The following RAB27B variants were observed in gnomAD, a reference collection of about 807,000 sequenced individuals.
RAB27B encodes the protein RAB27B, member RAS oncogene family, also known as ras-related protein Rab-27B.
In RAB27B, 15 loss-of-function variants were observed where a neutral mutation model predicts 24.6. The ratio of observed to expected loss-of-function variants is 0.61; its 90% CI spans 0.41 to 0.94. The LOEUF (loss-of-function observed/expected upper bound fraction) is 0.94. Ranked by LOEUF, RAB27B falls within the 40% of genes least tolerant of loss-of-function variation. The pLI is 0.00. For missense variants in RAB27B, 261 were observed against 266.8 expected (o/e 0.98, Z 0.15); for synonymous variants, 105 against 92.5 (o/e 1.14, Z -0.78).
At chr18:54,806,003 A>G (rs1330184648) in intron 2 of RAB27B, among the ~76,000 whole-genome samples, 1 of 152,214 alleles carries the variant, frequency 6.6e-6, no homozygotes, top group Non-Finnish European at 1.5e-5. Flanking sequence ...ACTCAATTGT[A>G]TAGCTTCTAA....
rs1913413164 is a variant in RAB27B at position 54,892,628 on chromosome 18, C to A, written c.*3215C>A. On this transcript the variant is annotated 3_prime_UTR_variant, in exon 6 of 6. Transcript: ENST00000262094. ...ATAATGATAAGAAGTCAAGGATTGGCAGAGAAAATACTAAACGCCAAGAGT... is the reference window on the plus strand; with the variant it reads ...ATAATGATAAGAAGTCAAGGATTGGAAGAGAAAATACTAAACGCCAAGAGT... 6.6e-6 allele frequency: 1 copy of A among 152,016 alleles called. No homozygotes were observed. The highest frequency in any genetic ancestry group is 2.4e-5 in the African/African-American group (1 of 41,422). 9.4% of individuals were successfully genotyped at this position (152,016 alleles called of 1,614,324 possible).
At chr18:54,798,306 A>G (rs1046849647) in intron 2 of RAB27B, among the ~76,000 whole-genome samples, 1 of 152,240 alleles carries the variant, frequency 6.6e-6, no homozygotes, top group Non-Finnish European at 1.5e-5. Context: ...ATTGAAGTGT[A>G]TTCCTGGATC....
rs960941394 is a variant in RAB27B, at chr18:54,890,159, T to A, written c.*746T>A. The A allele has an allele frequency of 6.6e-6, 1 of 152,100 alleles. No individual in the cohort carries two copies. The highest frequency in any genetic ancestry group is 1.5e-5 in the Non-Finnish European group (1 of 67,968). 9.4% of individuals were successfully genotyped at this position (152,100 alleles called of 1,614,324 possible). Reference sequence around the variant, plus strand: ...TGGCATTTCTACAGCTGAAATTCAATGTATCTGTTAGAGATGTCTGGAAGG... The same window carrying A: ...TGGCATTTCTACAGCTGAAATTCAAAGTATCTGTTAGAGATGTCTGGAAGG... On this transcript the variant is annotated 3_prime_UTR_variant, in exon 6 of 6. Transcript: ENST00000262094.
intron 2 of RAB27B, among the ~76,000 whole-genome samples, chr18:54,822,058 G>A (rs760033897): frequency 1.3e-5 from 2 of 152,150 alleles, no homozygotes; most frequent in Non-Finnish European, 2.9e-5. Flanking sequence ...CAGTCAACTA[G>A]CTGTTATTCT....
chr18:54,858,432 T>C (rs1911875486), intron 1 of RAB27B, among the ~76,000 whole-genome samples: 1 of 148,932 alleles, frequency 6.7e-6, no homozygotes, highest in East Asian at 2.0e-4. Context: ...TCTCCCAGGC[T>C]GGAGTGCAGT....
At chr18:54,727,526 G>T (rs1231297652) in intron 2 of RAB27B, among the ~76,000 whole-genome samples, 2 of 152,102 alleles carry the variant, frequency 1.3e-5, no homozygotes, top group African/African-American at 4.8e-5. Flanking sequence ...CTGGTAGTGG[G>T]GTGCCTCGGA....
chr18:54,769,003 C>T (rs970384316), intron 2 of RAB27B, among the ~76,000 whole-genome samples: 1 of 152,158 alleles, frequency 6.6e-6, no homozygotes, highest in Non-Finnish European at 1.5e-5. Context: ...TCATGTCCTT[C>T]TCACATTCCA....
At chr18:54,749,878 C>T (rs548937016) in intron 2 of RAB27B, among the ~76,000 whole-genome samples, 2 of 152,076 alleles carry the variant, frequency 1.3e-5, no homozygotes. Flanking sequence ...GTGTTTTATA[C>T]TGTCAATTAA....
chr18:54,741,687 G>C (rs1236363089), intron 2 of RAB27B, among the ~76,000 whole-genome samples: 1 of 152,000 alleles, frequency 6.6e-6, no homozygotes, highest in Non-Finnish European at 1.5e-5. Context: ...ATTTTTTGTA[G>C]AGAGAGGGTC....
intron 2 of RAB27B, among the ~76,000 whole-genome samples, chr18:54,746,727 G>A (rs887519594): frequency 1.3e-5 from 2 of 152,074 alleles, no homozygotes; most frequent in African/African-American, 2.4e-5. Context: ...GAATAATAGT[G>A]CCTTCATCAC....
rs943555330 is a variant in RAB27B at position 54,757,727 on chromosome 18, T to C, written c.-20+39586T>C. Among the ~76,000 whole-genome samples the C allele has an allele frequency of 1.1e-4, 17 of 152,142 alleles. 1 individual carries two copies. The highest frequency in any genetic ancestry group is 2.2e-4 in the Non-Finnish European group (15 of 68,016). Reference sequence around the variant, plus strand: ...TAAACACTGAACAAGATAGTTCTAGTTGAGATCATTCTAGTACAGGACAAT... The same window carrying C: ...TAAACACTGAACAAGATAGTTCTAGCTGAGATCATTCTAGTACAGGACAAT... On this transcript the variant is annotated intron_variant, in intron 2 of 4. Coordinates refer to the RAB27B transcript ENST00000586570.
chr18:54,754,134 G>A (rs978841636), intron 2 of RAB27B, among the ~76,000 whole-genome samples: 3 of 151,452 alleles, frequency 2.0e-5, no homozygotes, highest in Non-Finnish European at 2.9e-5. Flanking sequence ...GACCGGGTGG[G>A]AGGTGATTGC....
chr18:54,867,394 T>C (rs572195473), intron 1 of RAB27B, among the ~76,000 whole-genome samples: 1 of 151,398 alleles, frequency 6.6e-6, no homozygotes, highest in Non-Finnish European at 1.5e-5. Context: ...TCGTAGGAGC[T>C]GGCTGGGCAT....
chr18:54,739,723 T>C (rs1398312718), intron 2 of RAB27B, among the ~76,000 whole-genome samples: 1 of 152,106 alleles, frequency 6.6e-6, no homozygotes, highest in Non-Finnish European at 1.5e-5. Context: ...CCAAAGTGAT[T>C]GTTGCATTTT....
At chr18:54,887,130 A>G (rs1469543212) in intron 4 of RAB27B, among the ~76,000 whole-genome samples, 1 of 149,798 alleles carries the variant, frequency 6.7e-6, no homozygotes, top group Non-Finnish European at 1.5e-5. Context: ...GAGAAAAGAG[A>G]AAAACAAATT....
chr18:54,744,958 C>T (rs1910191009), intron 2 of RAB27B: 3 of 194,532 alleles, frequency 1.5e-5, no homozygotes, highest in Admixed American at 1.5e-4. Context: ...TGTTGAAAGC[C>T]CTGCTGATTC....
intron 2 of RAB27B, among the ~76,000 whole-genome samples, chr18:54,794,033 TA>T: frequency 6.6e-6 from 1 of 152,356 alleles, no homozygotes; most frequent in Non-Finnish European, 1.5e-5. Context: ...GCTGGGGGAT[TA>T]AAATTAGATT....
intron 2 of RAB27B, among the ~76,000 whole-genome samples, chr18:54,727,219 C>G (rs989731267): frequency 1.1e-4 from 17 of 152,192 alleles, no homozygotes; most frequent in African/African-American, 4.1e-4. Flanking sequence ...CGTGATCCGC[C>G]TGCCTCGGCC....
At chr18:54,813,483 G>C (rs1444797561) in intron 2 of RAB27B, among the ~76,000 whole-genome samples, 1 of 152,162 alleles carries the variant, frequency 6.6e-6, no homozygotes, top group East Asian at 1.9e-4. Flanking sequence ...GTAATGAGTG[G>C]AAATGAGTTC....
Sources: allele counts gnomAD v4.1 joint callset (sites outside exome capture counted in the v4.1 genomes callset), GRCh38; gene constraint gnomAD v4.1.1; transcripts MANE v1.5; gene names NCBI Gene and HGNC (gene_info 2026-07-23, HGNC 2026-07-21).